Variants in KMT2A observed in about 807,000 individuals in gnomAD.
The protein encoded by KMT2A is histone-lysine N-methyltransferase 2A.
KMT2A carries 16 observed loss-of-function variants against 345.3 expected under a neutral mutation model. The ratio of observed to expected loss-of-function variants is 0.05; its 90% CI spans 0.03 to 0.07. The LOEUF is 0.07. KMT2A is among the 10% of genes least tolerant of loss of function. The probability of loss-of-function intolerance (pLI) is 1.00; values close to 1 mark genes in which losing one functional copy is unlikely to be tolerated. For synonymous variants in KMT2A, 1,599 were observed against 1,778.6 expected (o/e 0.90, Z 2.54); for missense variants, 3,272 against 4,841.6 (o/e 0.68, Z 9.62).
intron 6 of KMT2A, among the ~76,000 whole-genome samples, 170 bp downstream of exon 6, chr11:118,480,408 GT>G (rs1950110892): frequency 6.6e-6 from 1 of 151,914 alleles, no homozygotes; most frequent in Non-Finnish European, 1.5e-5. Context: ...ACTATTTCCT[GT>G]ATTGGGGGAT....
Position 118,494,507 on chromosome 11 carries a change from CA to C in KMT2A, c.5289+110del. ...TTTTTGCTTTGTGGTGTGTATAAAA[CA>C]TCTTTGGTTTAATTTGATCCCCTGA... On this transcript the variant is annotated intron_variant, in intron 17 of 35. Coordinates refer to ENST00000534358, the MANE Select transcript of KMT2A (RefSeq NM_001197104.2). The surrounding 1 kb of genome is among the most constrained non-coding windows in gnomAD (Gnocchi z 5.8). 2 of 832,040 alleles carry C rather than the reference CA, an allele frequency of 2.4e-6. No individual in the cohort carries two copies. Among genetic ancestry groups the C allele is most frequent in the Non-Finnish European group, 3.9e-6 (2 of 513,880 alleles). The allele number at this position is 832,040 out of a possible 1,614,324, so 51.5% of individuals were successfully genotyped here.
intron 25 of KMT2A, 51 bp downstream of exon 25, chr11:118,501,198 C>T: frequency 6.4e-7 from 1 of 1,557,210 alleles, no homozygotes; most frequent in African/African-American, 1.4e-5. Flanking sequence ...TGGCTCACGC[C>T]TGTAATCGCA....
intron 15 of KMT2A, 131 bp downstream of exon 15, chr11:118,492,059 T>C: frequency 1.5e-6 from 1 of 651,130 alleles, no homozygotes; most frequent in Non-Finnish European, 2.6e-6. Context: ...ATTAGGAAAA[T>C]ATTTAGAGCC....
chr11:118,520,213 G>T lies in KMT2A; in HGVS notation c.11429+149G>T. On this transcript the variant is annotated intron_variant, in intron 33 of 35. Transcript: ENST00000534358. The surrounding 1 kb of genome is among the most constrained non-coding windows in gnomAD (Gnocchi z 4.3). ...CATTTGTGTTGAAGTAGCAGTAGGT[G>T]CCTGGTAAGGAGTGAGGAATATAAG... 1.6e-6 allele frequency: 1 copy of T among 618,344 alleles called. No homozygotes were observed. The highest frequency in any genetic ancestry group is 2.9e-5 in the Admixed American group (1 of 34,488). 38.3% of individuals were successfully genotyped at this position (618,344 alleles called of 1,614,324 possible). A position where few individuals can be genotyped will look rare whatever the true frequency, so the allele number is the denominator to read the frequency against.
chr11:118,483,488 G>A lies in KMT2A; in HGVS notation c.4087-695G>A, dbSNP rs568806539. 6.6e-5 allele frequency among the ~76,000 whole-genome samples: 10 copies of A among 152,236 alleles called. No homozygotes were observed. In the South Asian group the frequency reaches 1.2e-3, roughly 19 times the overall value. On this transcript the variant is annotated intron_variant, in intron 8 of 35. Coordinates refer to ENST00000534358, the MANE Select transcript of KMT2A (RefSeq NM_001197104.2). Reference sequence around the variant, plus strand: ...GCGGAGCCTGCAGTGAGCCGAGATCGCGCCACTGCACTCCAGCTTGGGTGA... The same window carrying A: ...GCGGAGCCTGCAGTGAGCCGAGATCACGCCACTGCACTCCAGCTTGGGTGA...
In KMT2A at chr11:118,472,040, G is replaced by T. The variant is rs1555035690; in HGVS notation, c.881G>T (p.Arg294Met). 6.2e-7 allele frequency: 1 copy of T among 1,613,544 alleles called. No homozygotes were observed. The highest frequency in any genetic ancestry group is 8.5e-7 in the Non-Finnish European group (1 of 1,179,940). ...KFKTGKLQIG[R>M]KGVQIVRRRG... ...AAGACAGGGAAGCTTCAAATAGGAA[G>T]GAAGGGGGTACAAATTGTACGACGG... Residue 294 changes from arginine (R) to methionine (M), a missense_variant, in exon 3 of 36, where the codon AGG (arginine) becomes ATG (methionine). By Grantham distance (91) the Arg-to-Met change is moderately conservative. This residue lies in a region of KMT2A where 412 missense variants were observed against 511.0 expected (regional missense o/e 0.81). Transcript: ENST00000534358.
intron 7 of KMT2A, 77 bp from the exon 8 acceptor site, chr11:118,482,345 G>A (rs1364767241): frequency 3.2e-6 from 3 of 938,736 alleles, no homozygotes; most frequent in Non-Finnish European, 4.8e-6. Flanking sequence ...TTTTCTAATG[G>A]CCCTTTCTTC....
In KMT2A at chr11:118,495,978, T is replaced by A. The variant is rs1950403191; in HGVS notation, c.5557+85T>A. 2 of 1,171,188 alleles carry A rather than the reference T, an allele frequency of 1.7e-6. No homozygotes were observed. Among genetic ancestry groups the A allele is most frequent in the East Asian group, 4.7e-5 (2 of 42,520 alleles). The allele number at this position is 1,171,188 out of a possible 1,614,324, so 72.5% of individuals were successfully genotyped here. A position where few individuals can be genotyped will look rare whatever the true frequency, so the allele number is the denominator to read the frequency against. On this transcript the variant is annotated intron_variant, in intron 19 of 35. Coordinates refer to ENST00000534358, the MANE Select transcript of KMT2A (RefSeq NM_001197104.2). This position sits in a 1 kb window ranked among gnomAD's most constrained non-coding sequence, Gnocchi z 4.1. ...GTGAATCCAATTCACTAAAATTAGA[T>A]ATACTTGGATATCAGAAAGGAATTT...
At chr11:118,470,359 A>G (rs1409736419) in intron 2 of KMT2A, among the ~76,000 whole-genome samples, 1 of 152,030 alleles carries the variant, frequency 6.6e-6, no homozygotes, top group Non-Finnish European at 1.5e-5. Flanking sequence ...GGCTCTGGGC[A>G]GGAGTTTTAT....
rs374420996 is a variant in KMT2A, at chr11:118,503,664, A to C, written c.7772A>C (p.Tyr2591Ser). 8 of 1,614,054 alleles carry C rather than the reference A, an allele frequency of 5.0e-6. No individual in the cohort carries two copies. The highest frequency in any genetic ancestry group is 6.8e-6 in the Non-Finnish European group (8 of 1,179,990). ...TGCCAGGATTCTCAAAGTAACAACT[A>C]TCAGAATCTTCCAGTACAGGACAGA... is the stretch of plus-strand genomic sequence containing the variant. Reference protein sequence around the residue: ...TSCQDSQSNNYQNLPVQDRNL... With the variant: ...TSCQDSQSNNSQNLPVQDRNL... The change falls in exon 27 of 36, where the codon TAT becomes TCT. Residue 2591 changes from tyrosine to serine, a missense_variant. Tyr to Ser is a moderately radical substitution (Grantham distance 144). This residue lies in a region of KMT2A where 445 missense variants were observed against 500.9 expected (regional missense o/e 0.89). Transcript: ENST00000534358. The surrounding 1 kb of genome is among the most constrained non-coding windows in gnomAD (Gnocchi z 5.3).
At chr11:118,488,534 G>A in intron 10 of KMT2A, 80 bp from the exon 11 acceptor site, 1 of 1,489,470 alleles carries the variant, frequency 6.7e-7, no homozygotes, top group Non-Finnish European at 9.4e-7. Context: ...AAAACCCAAA[G>A]TATATAAGAA....
In KMT2A at chr11:118,520,082, A is replaced by G; in HGVS notation, c.11429+18A>G. ...TCAGCTCGGTAAGTCTTGAGTGGGG[A>G]GCAGTCATTAGAAACTGCTTTCCCT... is the stretch of plus-strand genomic sequence containing the variant. On this transcript the variant is annotated intron_variant, in intron 33 of 35. Transcript: ENST00000534358. The surrounding 1 kb of genome is among the most constrained non-coding windows in gnomAD (Gnocchi z 4.3). 1 of 1,541,832 alleles carries G rather than the reference A, an allele frequency of 6.5e-7. No individual in the cohort carries two copies. Among genetic ancestry groups the G allele is most frequent in the South Asian group, 1.1e-5 (1 of 88,768 alleles).
At position 118,493,803 on chromosome 11, in the gene KMT2A, G is replaced by A. The variant is rs138422538; in HGVS notation, c.5179-485G>A. On this transcript the variant is annotated intron_variant, in intron 16 of 35. Coordinates refer to ENST00000534358, the MANE Select transcript of KMT2A (RefSeq NM_001197104.2). This position sits in a 1 kb window ranked among gnomAD's most constrained non-coding sequence, Gnocchi z 5.8. ...CGGCTCACTGCAACCTCTGCCTCCC[G>A]TAATCAAGTGATTCTCCTGCCTCAG... Among the ~76,000 whole-genome samples, 77 of 152,070 alleles carry A rather than the reference G, an allele frequency of 5.1e-4. No individual in the cohort carries two copies. In the East Asian group the frequency reaches 0.014, roughly 27 times the overall value.
At chr11:118,511,644 G>A (rs1950689632) in intron 30 of KMT2A, among the ~76,000 whole-genome samples, 1 of 152,192 alleles carries the variant, frequency 6.6e-6, no homozygotes, top group Admixed American at 6.5e-5. Context: ...ATTCAGGTGT[G>A]AGACCCAGAC....
intron 10 of KMT2A, among the ~76,000 whole-genome samples, chr11:118,487,797 T>C (rs1591392307): frequency 1.3e-5 from 2 of 152,364 alleles, no homozygotes; most frequent in South Asian, 4.1e-4. Flanking sequence ...ATTGTCCCAA[T>C]AATTCCTTTA....
chr11:118,519,833 T>G (rs1950917977), intron 32 of KMT2A, 41 bp downstream of exon 32: 2 of 1,598,238 alleles, frequency 1.3e-6, no homozygotes, highest in Non-Finnish European at 1.7e-6. Flanking sequence ...TGGGTCTCGA[T>G]TTTCTTATCT....
intron 1 of KMT2A, among the ~76,000 whole-genome samples, chr11:118,452,127 GA>G (rs1213025440): frequency 6.6e-6 from 1 of 152,152 alleles, no homozygotes. Flanking sequence ...TTACAGACTT[GA>G]AATCCTGAGC....
At chr11:118,483,406 G>C (rs377089256) in intron 8 of KMT2A, among the ~76,000 whole-genome samples, 1 of 151,858 alleles carries the variant, frequency 6.6e-6, no homozygotes, top group Non-Finnish European at 1.5e-5. Context: ...GGTGGCGGGC[G>C]CCTGTAGTCC....
chr11:118,505,364 C>A lies in KMT2A; in HGVS notation c.9472C>A (p.Pro3158Thr), dbSNP rs2134405671. ...CCCTTCTGCTAGCAAAGGATTGCTA[C>A]CCATGTCTCATCACCAGCACTTACA... ...LFPSASKGLL[P>T]MSHHQHLHSF... The change falls in exon 27 of 36, where the codon CCC becomes ACC. Residue 3158 changes from proline (P) to threonine (T), a missense_variant. Physicochemically the swap from Pro to Thr is conservative, Grantham distance 38. Transcript: ENST00000534358. This position sits in a 1 kb window ranked among gnomAD's most constrained non-coding sequence, Gnocchi z 4.6. 2 of 1,614,002 alleles carry A rather than the reference C, an allele frequency of 1.2e-6. No homozygotes were observed. The highest frequency in any genetic ancestry group is 1.7e-6 in the Non-Finnish European group (2 of 1,179,860).
Sources: allele counts gnomAD v4.1 joint callset (sites outside exome capture counted in the v4.1 genomes callset), GRCh38; gene constraint gnomAD v4.1.1; regional missense constraint gnomAD v4.1.1; non-coding constraint Gnocchi (gnomAD v3.1); transcripts MANE v1.5; gene names NCBI Gene and HGNC (gene_info 2026-07-23, HGNC 2026-07-21).